The following TAMM41 variants were observed in gnomAD, a reference collection of about 807,000 sequenced individuals.
TAMM41 encodes phosphatidate cytidylyltransferase, mitochondrial.
TAMM41 carries 36 observed loss-of-function variants against 44.1 expected under a neutral mutation model. That is an observed-to-expected ratio of 0.82 (90% CI 0.63 to 1.08). The LOEUF is 1.08. TAMM41 is among the 50% of genes least tolerant of loss of function. The pLI, the probability that TAMM41 is intolerant of heterozygous loss-of-function variation, is 0.00. For missense variants in TAMM41, 417 were observed against 404.3 expected, an observed-to-expected ratio of 1.03 and a Z score of -0.27; for synonymous variants, 164 against 153.1, an observed-to-expected ratio of 1.07 and a Z score of -0.53.
At chr3:11,731,141 G>A in the TAMM41 span, among the ~76,000 whole-genome samples, 1 of 152,192 alleles carries the variant, frequency 6.6e-6, no homozygotes, top group Non-Finnish European at 1.5e-5. Context: ...TACCCAGCAA[G>A]CAGGCTATGT....
chr3:11,755,463 G>A, the TAMM41 span, among the ~76,000 whole-genome samples: 2 of 152,180 alleles, frequency 1.3e-5, no homozygotes, highest in African/African-American at 2.4e-5. Context: ...CTGAGGGACC[G>A]TGGGAGGATG....
intron 2 of TAMM41, among the ~76,000 whole-genome samples, chr3:11,842,722 G>C (rs1163594127): frequency 6.6e-6 from 1 of 151,168 alleles, no homozygotes; most frequent in Admixed American, 6.6e-5. Flanking sequence ...AAAAAAGGCA[G>C]AATCTCAGGT....
the TAMM41 span, among the ~76,000 whole-genome samples, chr3:11,729,375 T>C: frequency 6.6e-6 from 1 of 151,912 alleles, no homozygotes; most frequent in Non-Finnish European, 1.5e-5. Context: ...GCCGCTGCTG[T>C]CAGACAGAGA....
chr3:11,810,721 G>A lies in TAMM41; in HGVS notation c.709-1039C>T, dbSNP rs539985966. ...ATAGGACGAACTTTCTTAATAATTA[G>A]AATCCACTCATTCTACCATTTTTTA... On this transcript the variant is annotated intron_variant, in intron 5 of 7. Transcript: ENST00000455809. 10 of 152,224 alleles carry A rather than the reference G, an allele frequency of 6.6e-5. No homozygotes were observed. The South Asian group carries it at 1.9e-3, about 28-fold the overall frequency. 9.4% of individuals were successfully genotyped at this position (152,224 alleles called of 1,614,324 possible).
At chr3:11,779,695 G>A in the TAMM41 span, among the ~76,000 whole-genome samples, 2 of 152,046 alleles carry the variant, frequency 1.3e-5, no homozygotes, top group Non-Finnish European at 2.9e-5. Context: ...TCACTCCCAT[G>A]GTGTCTTTAG....
At position 11,801,625 on chromosome 3, in the gene TAMM41, C is replaced by T. The variant is rs192600478; in HGVS notation, c.937+6208G>A. On this transcript the variant is annotated intron_variant, in intron 7 of 7. Coordinates refer to ENST00000455809, the MANE Select transcript of TAMM41 (RefSeq NM_001284401.2). ...ACAGGCATGAGCCACCATGCCTGAC[C>T]TTAAAAATTTTTGGAAACAAATAAA... 3.2e-3 allele frequency among the ~76,000 whole-genome samples: 492 copies of T among 152,162 alleles called. 2 individuals carry two copies. The highest frequency in any genetic ancestry group is 0.011 in the African/African-American group (467 of 41,534).
chr3:11,726,162 T>C, the TAMM41 span, among the ~76,000 whole-genome samples: 27 of 152,342 alleles, frequency 1.8e-4, no homozygotes, highest in African/African-American at 6.0e-4. Flanking sequence ...AAAATGTGTT[T>C]TTCTAGTCTA....
intron 2 of TAMM41, among the ~76,000 whole-genome samples, chr3:11,841,716 G>C (rs2079453134): frequency 6.6e-6 from 1 of 152,186 alleles, no homozygotes; most frequent in Non-Finnish European, 1.5e-5. Flanking sequence ...AGGCTGTGCT[G>C]AGTGTCAGCC....
the TAMM41 span, among the ~76,000 whole-genome samples, chr3:11,732,989 G>GTTTTTTTTTT: frequency 2.3e-5 from 3 of 128,464 alleles, no homozygotes; most frequent in African/African-American, 5.9e-5. Context: ...TATGATTTGA[G>GTTTTTTTTTT]TTTTTTTTTT....
downstream of TAMM41, among the ~76,000 whole-genome samples, chr3:11,786,839 C>T (rs570737425): frequency 1.3e-5 from 2 of 152,240 alleles, no homozygotes; most frequent in East Asian, 3.9e-4. Flanking sequence ...AGCGATTTTC[C>T]CACCTCAGCC....
intron 4 of TAMM41, among the ~76,000 whole-genome samples, chr3:11,825,181 G>A (rs1335838187): frequency 1.3e-5 from 2 of 152,202 alleles, no homozygotes; most frequent in Non-Finnish European, 2.9e-5. Flanking sequence ...CTGGGCATCA[G>A]TATCCTCAAA....
chr3:11,732,338 C>T, the TAMM41 span, among the ~76,000 whole-genome samples: 2 of 151,874 alleles, frequency 1.3e-5, no homozygotes, highest in Non-Finnish European at 2.9e-5. Flanking sequence ...CTCTCTCCCT[C>T]CCTGCCTTCC....
chr3:11,729,538 C>CTTTTTTTTTTTTTTTT, the TAMM41 span, among the ~76,000 whole-genome samples: 16 of 65,538 alleles, frequency 2.4e-4, 2 homozygotes, highest in African/African-American at 6.3e-4. Flanking sequence ...TTCTTTCTTT[C>CTTTTTTTTTTTTTTTT]ATTTTTTTTT....
the TAMM41 span, among the ~76,000 whole-genome samples, chr3:11,748,973 T>C: frequency 5.5e-5 from 8 of 146,262 alleles, no homozygotes; most frequent in African/African-American, 2.0e-4. Context: ...AGTGCAGTGG[T>C]GCCATCTTGG....
intron 4 of TAMM41, among the ~76,000 whole-genome samples, chr3:11,817,628 A>G (rs931394239): frequency 1.3e-5 from 2 of 152,314 alleles, no homozygotes; most frequent in South Asian, 2.1e-4. Context: ...AGCTTTTCCA[A>G]TGCAGAAGCT....
At chr3:11,772,772 T>G in the TAMM41 span, among the ~76,000 whole-genome samples, 1 of 152,142 alleles carries the variant, frequency 6.6e-6, no homozygotes, top group Non-Finnish European at 1.5e-5. Context: ...CCTCCTTTAT[T>G]AAGCCTCCTA....
Position 11,809,623 on chromosome 3 carries a change from C to T in TAMM41, c.768G>A (p.Gln256=), listed in dbSNP as rs775798500. Residue 256 remains glutamine, a synonymous_variant, in exon 6 of 8, where the codon CAG becomes CAA. Transcript: ENST00000455809. ...GGTCCATAATATGATTTATCTGTTGCTGTAAGGTTTTGGGCAATGTCATCA... is the reference window on the plus strand; with the variant it reads ...GGTCCATAATATGATTTATCTGTTGTTGTAAGGTTTTGGGCAATGTCATCA... The part of the protein sequence containing the change: ...TQLMTLPKTL[Q]QQINHIMDPP... 6 of 1,613,936 alleles carry T rather than the reference C, an allele frequency of 3.7e-6. No homozygotes were observed. The highest frequency in any genetic ancestry group is 5.1e-6 in the Non-Finnish European group (6 of 1,180,012).
the TAMM41 span, among the ~76,000 whole-genome samples, chr3:11,758,396 G>C: frequency 6.6e-6 from 1 of 152,304 alleles, no homozygotes; most frequent in East Asian, 1.9e-4. Flanking sequence ...CTGTTGCCCA[G>C]GTTGGAGTGC....
At chr3:11,778,185 T>C in the TAMM41 span, among the ~76,000 whole-genome samples, 1 of 152,178 alleles carries the variant, frequency 6.6e-6, no homozygotes, top group East Asian at 1.9e-4. Context: ...TGGGTATATA[T>C]ACCTGGGAGT....
Sources: gnomAD v4.1 joint callset for allele counts (sites outside exome capture counted in the v4.1 genomes callset) on GRCh38, gnomAD v4.1.1 for gene constraint, MANE v1.5 for transcripts, NCBI Gene and HGNC (gene_info 2026-07-23, HGNC 2026-07-21) for gene names.